Variants in SLC14A2 observed in about 807,000 individuals in gnomAD.
SLC14A2 encodes the protein solute carrier family 14 member 2.
In SLC14A2, 91 loss-of-function variants were observed where a neutral mutation model predicts 104.6. The observed-to-expected ratio is 0.87, with a 90% CI of 0.73 to 1.04. SLC14A2 has a LOEUF of 1.04. SLC14A2 is among the 50% of genes least tolerant of loss of function. The pLI, the probability that SLC14A2 is intolerant of heterozygous loss-of-function variation, is 0.00. For missense variants in SLC14A2, 1,189 were observed against 1,156.0 expected (o/e 1.03, Z -0.41); for synonymous variants, 476 against 466.4 (o/e 1.02, Z -0.27).
chr18:45,316,305 C>T (rs1223658936), intron 1 of SLC14A2, among the ~76,000 whole-genome samples: 1 of 152,170 alleles, frequency 6.6e-6, no homozygotes, highest in Non-Finnish European at 1.5e-5. Flanking sequence ...CCCTCGGAGG[C>T]AGAGCAAATG....
intron 2 of SLC14A2, among the ~76,000 whole-genome samples, chr18:45,609,566 A>T (rs1051809870): frequency 1.3e-5 from 2 of 152,166 alleles, no homozygotes; most frequent in South Asian, 2.1e-4. Flanking sequence ...AGGGTACCAC[A>T]ATTAAAGCCT....
intron 2 of SLC14A2, among the ~76,000 whole-genome samples, chr18:45,531,852 TA>T (rs2043694499): frequency 6.6e-6 from 1 of 152,250 alleles, no homozygotes; most frequent in East Asian, 1.9e-4. Flanking sequence ...TGTAAGTCTT[TA>T]ATCCATCTTG....
At chr18:45,285,458 C>G (rs1371053683) in intron 1 of SLC14A2, among the ~76,000 whole-genome samples, 1 of 152,044 alleles carries the variant, frequency 6.6e-6, no homozygotes, top group Non-Finnish European at 1.5e-5. Flanking sequence ...TCATCTGTCG[C>G]CTAGTCTGGA....
At chr18:45,621,851 CA>C (rs2045176278) in intron 1 of SLC14A2, among the ~76,000 whole-genome samples, 2 of 152,162 alleles carry the variant, frequency 1.3e-5, no homozygotes, top group Admixed American at 6.5e-5. Flanking sequence ...ATCATTGAGA[CA>C]AAGCCTGGCA....
chr18:45,327,615 G>A (rs966250408), intron 1 of SLC14A2, among the ~76,000 whole-genome samples: 13 of 152,152 alleles, frequency 8.5e-5, no homozygotes, highest in African/African-American at 2.4e-4. Context: ...GGTACTTCAT[G>A]TAAGTGGAAT....
intron 1 of SLC14A2, among the ~76,000 whole-genome samples, chr18:45,300,131 A>G (rs923771830): frequency 1.2e-4 from 18 of 152,102 alleles, no homozygotes; most frequent in Non-Finnish European, 2.1e-4. Context: ...ACGAGAAAGG[A>G]AAAAAACAAG....
upstream of SLC14A2, among the ~76,000 whole-genome samples, chr18:45,210,025 CACCAATGCATGTCTT>C (rs1207686460): frequency 3.9e-5 from 6 of 152,194 alleles, no homozygotes; most frequent in Non-Finnish European, 8.8e-5. Context: ...TGTTCCTTCT[CACCAATGCATGTCTT>C]ACCTCCTCAA....
At chr18:45,305,446 T>A (rs2085009781) in intron 1 of SLC14A2, among the ~76,000 whole-genome samples, 1 of 152,228 alleles carries the variant, frequency 6.6e-6, no homozygotes, top group Non-Finnish European at 1.5e-5. Flanking sequence ...CTGGACAGAA[T>A]CCTCTGCTGA....
chr18:45,245,495 C>T (rs1379736840), intron 1 of SLC14A2, among the ~76,000 whole-genome samples: 2 of 152,190 alleles, frequency 1.3e-5, no homozygotes, highest in Non-Finnish European at 2.9e-5. Flanking sequence ...GTAATTTCAT[C>T]AGAGGCAATG....
At chr18:45,358,395 C>G (rs2085576544) in intron 1 of SLC14A2, among the ~76,000 whole-genome samples, 1 of 152,148 alleles carries the variant, frequency 6.6e-6, no homozygotes, top group Non-Finnish European at 1.5e-5. Flanking sequence ...GACCCCAAAA[C>G]CACTCCCTGC....
intron 2 of SLC14A2, among the ~76,000 whole-genome samples, chr18:45,573,089 G>A (rs2044372074): frequency 6.6e-6 from 1 of 152,058 alleles, no homozygotes; most frequent in African/African-American, 2.4e-5. Flanking sequence ...TAATAACATA[G>A]CCAGAGCCAA....
chr18:45,302,132 G>T (rs1355922867), intron 1 of SLC14A2, among the ~76,000 whole-genome samples: 1 of 152,200 alleles, frequency 6.6e-6, no homozygotes, highest in Admixed American at 6.5e-5. Context: ...ACCTCAAAGA[G>T]GAAGAGGCCA....
chr18:45,215,847 T>TTC (rs1300003531), intron 1 of SLC14A2, among the ~76,000 whole-genome samples: 6 of 152,308 alleles, frequency 3.9e-5, no homozygotes, highest in Admixed American at 1.3e-4. Context: ...ATGGTATTTT[T>TTC]TTTTGGTCTC....
chr18:45,420,640 T>C (rs1025474160), intron 1 of SLC14A2, among the ~76,000 whole-genome samples: 2 of 152,192 alleles, frequency 1.3e-5, no homozygotes, highest in African/African-American at 4.8e-5. Flanking sequence ...TAATGGTTGA[T>C]AATAGGAAAG....
the SLC14A2 span, among the ~76,000 whole-genome samples, chr18:45,187,766 AAAAT>A: frequency 5.9e-5 from 9 of 152,146 alleles, no homozygotes; most frequent in African/African-American, 2.2e-4. Context: ...TTCTGGTAAA[AAAAT>A]AAATAAATAA....
At position 45,627,241 on chromosome 18, in the gene SLC14A2, C is replaced by G. The variant is rs143574279; in HGVS notation, c.521+94C>G. On this transcript the variant is annotated intron_variant, in intron 4 of 19. Coordinates refer to ENST00000255226, the MANE Select transcript of SLC14A2 (RefSeq NM_007163.4). ...TAATCAGTCAACCTTACCCTCCCAG[C>G]CAGCCAAAGTCTCCTGAGTATCAAC... The G allele has an allele frequency of 6.9e-3, 7,856 of 1,136,708 alleles. 41 individuals carry two copies. Among genetic ancestry groups the G allele is most frequent in the Non-Finnish European group, 8.0e-3 (6,202 of 774,584 alleles). 70.4% of individuals were successfully genotyped at this position (1,136,708 alleles called of 1,614,324 possible). A position where few individuals can be genotyped will look rare whatever the true frequency, so the allele number is the denominator to read the frequency against.
At chr18:45,278,319 T>G (rs151318388) in intron 1 of SLC14A2, among the ~76,000 whole-genome samples, 1 of 152,224 alleles carries the variant, frequency 6.6e-6, no homozygotes, top group African/African-American at 2.4e-5. Context: ...TAATTTTTTG[T>G]TGTGAGAATC....
chr18:45,601,221 C>T (rs951047427), intron 2 of SLC14A2, among the ~76,000 whole-genome samples: 2 of 152,228 alleles, frequency 1.3e-5, no homozygotes, highest in African/African-American at 4.8e-5. Flanking sequence ...GGCTTCATGA[C>T]CTTGGCAAGT....
At position 45,627,013 on chromosome 18, in the gene SLC14A2, G is replaced by A; in HGVS notation, c.387G>A (p.Val129=). 1 of 1,613,024 alleles carries A rather than the reference G, an allele frequency of 6.2e-7. No homozygotes were observed. Among genetic ancestry groups the A allele is most frequent in the Non-Finnish European group, 8.5e-7 (1 of 1,179,974 alleles). Residue 129 remains valine, a synonymous_variant, in exon 4 of 20, where the codon GTG becomes GTA. Coordinates refer to ENST00000255226, the MANE Select transcript of SLC14A2 (RefSeq NM_007163.4). The part of the protein sequence containing the change: ...IDWVLRGTAQ[V]MFINNPLSGL... ...GGGTCCTGAGAGGGACCGCTCAGGT[G>A]ATGTTCATCAACAATCCTCTCAGCG... is the stretch of plus-strand genomic sequence containing the variant.
Sources: allele counts gnomAD v4.1 joint callset (sites outside exome capture counted in the v4.1 genomes callset), GRCh38; gene constraint gnomAD v4.1.1; transcripts MANE v1.5; gene names NCBI Gene and HGNC (gene_info 2026-07-23, HGNC 2026-07-21).